The following OSBPL1A variants were observed in gnomAD, a reference collection of about 807,000 sequenced individuals.
OSBPL1A encodes oxysterol-binding protein-related protein 1.
Under a neutral mutation model 137.1 loss-of-function variants are expected in OSBPL1A, and 80 were observed. The ratio of observed to expected loss-of-function variants is 0.58; its 90% CI spans 0.49 to 0.70. OSBPL1A has a LOEUF of 0.70. OSBPL1A is among the 30% of genes least tolerant of loss of function. OSBPL1A has a pLI of 0.00. For synonymous variants in OSBPL1A, 365 were observed against 389.7 expected (o/e 0.94, Z 0.75); for missense variants, 970 against 1,129.4 (o/e 0.86, Z 2.02).
intron 1 of OSBPL1A, among the ~76,000 whole-genome samples, chr18:24,397,084 T>C (rs919461792): frequency 3.9e-5 from 6 of 152,194 alleles, no homozygotes; most frequent in African/African-American, 1.4e-4. Context: ...AGAATAACCC[T>C]TTTCAATGCC....
intron 15 of OSBPL1A, among the ~76,000 whole-genome samples, chr18:24,276,609 A>AC (rs778239649): frequency 9.9e-5 from 15 of 151,736 alleles, no homozygotes; most frequent in Non-Finnish European, 1.6e-4. Flanking sequence ...ACACCTGGCT[A>AC]ATTTTTTGTA....
chr18:24,253,117 A>G (rs2089150724), intron 15 of OSBPL1A, among the ~76,000 whole-genome samples: 1 of 143,668 alleles, frequency 7.0e-6, no homozygotes, highest in Non-Finnish European at 1.5e-5. Flanking sequence ...CTACTTATCA[A>G]TAATAACATT....
chr18:24,233,718 G>A (rs1017991905), intron 16 of OSBPL1A, among the ~76,000 whole-genome samples: 1 of 151,770 alleles, frequency 6.6e-6, no homozygotes, highest in Non-Finnish European at 1.5e-5. Flanking sequence ...GCGCGATCTC[G>A]GCTCACTGCA....
chr18:24,312,486 GAC>G (rs1418000272), intron 12 of OSBPL1A, among the ~76,000 whole-genome samples: 7 of 152,104 alleles, frequency 4.6e-5, no homozygotes, highest in Non-Finnish European at 1.0e-4. Context: ...AATGGATCCA[GAC>G]ACACAATTTT....
At position 24,181,221 on chromosome 18, in the gene OSBPL1A, C is replaced by T. The variant is rs776785670; in HGVS notation, c.1736G>A (p.Arg579His). The T allele has an allele frequency of 8.1e-6, 13 of 1,614,038 alleles. No individual in the cohort carries two copies. Among genetic ancestry groups the T allele is most frequent in the East Asian group, 2.2e-5 (1 of 44,874 alleles). The change falls in exon 19 of 28, where the codon CGC becomes CAC. Residue 579 changes from arginine (R) to histidine (H), a missense_variant. Coordinates refer to ENST00000319481, the MANE Select transcript of OSBPL1A (RefSeq NM_080597.4). ...IFNEPLSFLQRLTEYMEHTYL... is the reference protein window; with the variant it reads ...IFNEPLSFLQHLTEYMEHTYL... ...AGTATGCTCCATGTATTCAGTTAGG[C>T]GCTGTAGGAAGCTCAGAGGCTCATT...
chr18:24,395,652 C>T (rs1422475875), intron 1 of OSBPL1A, among the ~76,000 whole-genome samples: 1 of 151,172 alleles, frequency 6.6e-6, no homozygotes, highest in Non-Finnish European at 1.5e-5. Context: ...CGGAGTTTCG[C>T]TCTTGTCGCC....
intron 14 of OSBPL1A, among the ~76,000 whole-genome samples, chr18:24,292,543 C>T (rs1194228283): frequency 6.6e-6 from 1 of 151,916 alleles, no homozygotes; most frequent in Non-Finnish European, 1.5e-5. Flanking sequence ...AGAGAGACGG[C>T]GAGAGAGAGG....
chr18:24,371,916 G>T (rs1905670852), intron 2 of OSBPL1A, among the ~76,000 whole-genome samples: 1 of 152,126 alleles, frequency 6.6e-6, no homozygotes, highest in African/African-American at 2.4e-5. Flanking sequence ...CATTTCTCTG[G>T]CACTACTTTT....
Position 24,181,845 on chromosome 18 carries a change from A to G in OSBPL1A, c.1678-566T>C, listed in dbSNP as rs566964949. On this transcript the variant is annotated intron_variant, in intron 18 of 27. Transcript: ENST00000319481. ...TGGCTCCCTCAAAGAACACCTTATA[A>G]AAGTAAAAGCTCCCCTTCCTGCCTT... is the stretch of plus-strand genomic sequence containing the variant. Among the ~76,000 whole-genome samples, 111 of 152,166 alleles carry G rather than the reference A, an allele frequency of 7.3e-4. 1 individual carries two copies. Among genetic ancestry groups the G allele is most frequent in the Admixed American group, 1.6e-3 (25 of 15,276 alleles).
chr18:24,197,271 C>T (rs1269027943), intron 17 of OSBPL1A, among the ~76,000 whole-genome samples: 5 of 152,062 alleles, frequency 3.3e-5, no homozygotes, highest in South Asian at 2.1e-4. Flanking sequence ...CACTTGAACA[C>T]GTGAGGCGGA....
At chr18:24,182,697 G>C (rs1363739486) in intron 18 of OSBPL1A, among the ~76,000 whole-genome samples, 1 of 152,080 alleles carries the variant, frequency 6.6e-6, no homozygotes, top group Non-Finnish European at 1.5e-5. Flanking sequence ...ATTTACTGCT[G>C]CATCACTGGG....
chr18:24,311,002 T>C (rs921149913), intron 13 of OSBPL1A, among the ~76,000 whole-genome samples: 1 of 152,246 alleles, frequency 6.6e-6, no homozygotes, highest in Non-Finnish European at 1.5e-5. Flanking sequence ...GGTTCTCACA[T>C]ACACATTAGG....
chr18:24,371,909 T>G (rs1905670350), intron 2 of OSBPL1A, among the ~76,000 whole-genome samples: 1 of 152,200 alleles, frequency 6.6e-6, no homozygotes, highest in Non-Finnish European at 1.5e-5. Context: ...GTCCTCTCAT[T>G]TCTCTGGCAC....
rs942759049 is a variant in OSBPL1A at position 24,314,289 on chromosome 18, C to G, written c.929G>C (p.Gly310Ala). Residue 310 changes from glycine to alanine, a missense_variant, in exon 12 of 28, where the codon GGC becomes GCC. Transcript: ENST00000319481. ...FIKCFDDTIHGFRVPKNSLQQ... is the reference protein window; with the variant it reads ...FIKCFDDTIHAFRVPKNSLQQ... ...AAGGCTATTCTTAGGAACCCGGAAGCCATGAATGGTGTCATCAAAGCATTT... is the reference window on the plus strand; with the variant it reads ...AAGGCTATTCTTAGGAACCCGGAAGGCATGAATGGTGTCATCAAAGCATTT... The G allele has an allele frequency of 6.2e-7, 1 of 1,611,590 alleles. No homozygotes were observed. The highest frequency in any genetic ancestry group is 1.3e-5 in the African/African-American group (1 of 74,760).
chr18:24,328,218 A>ATTTTTTTTTTTT (rs564798076), intron 7 of OSBPL1A, among the ~76,000 whole-genome samples: 2 of 48,612 alleles, frequency 4.1e-5, no homozygotes, highest in Non-Finnish European at 7.5e-5. Context: ...AATTTTTTGT[A>ATTTTTTTTTTTT]TTTTTTTTTT....
At chr18:24,221,026 C>T (rs964824589) in intron 17 of OSBPL1A, among the ~76,000 whole-genome samples, 1 of 152,128 alleles carries the variant, frequency 6.6e-6, no homozygotes, top group Non-Finnish European at 1.5e-5. Flanking sequence ...AGTGATCCAC[C>T]CGCCTCAGCC....
intron 13 of OSBPL1A, among the ~76,000 whole-genome samples, chr18:24,306,530 C>T (rs1157493130): frequency 1.3e-5 from 2 of 152,012 alleles, no homozygotes; most frequent in Non-Finnish European, 2.9e-5. Flanking sequence ...AAAAAGACAC[C>T]TAAGAGCACA....
At chr18:24,193,846 T>G (rs1269182822) in intron 18 of OSBPL1A, among the ~76,000 whole-genome samples, 1 of 152,262 alleles carries the variant, frequency 6.6e-6, no homozygotes, top group African/African-American at 2.4e-5. Context: ...TATGTTTATT[T>G]GTTGTATTTT....
At chr18:24,267,305 G>C (rs2089603449) in intron 15 of OSBPL1A, among the ~76,000 whole-genome samples, 1 of 150,902 alleles carries the variant, frequency 6.6e-6, no homozygotes, top group African/African-American at 2.4e-5. Context: ...GTAGTTACTA[G>C]TTAAAAAAAA....
Sources: gnomAD v4.1 joint callset for allele counts (sites outside exome capture counted in the v4.1 genomes callset) on GRCh38, gnomAD v4.1.1 for gene constraint, MANE v1.5 for transcripts, NCBI Gene and HGNC (gene_info 2026-07-23, HGNC 2026-07-21) for gene names.